Variants in NIPAL2 observed in about 807,000 individuals in gnomAD.
NIPAL2 encodes NIPA like domain containing 2, also known as NIPA-like protein 2.
A neutral mutation model predicts 48.9 loss-of-function variants in NIPAL2; 43 were observed. That is an observed-to-expected ratio of 0.88 (90% CI 0.69 to 1.13). NIPAL2 has a LOEUF of 1.13. NIPAL2 is among the 50% of genes most tolerant of loss of function. NIPAL2 has a pLI of 0.00. For missense variants in NIPAL2, 446 were observed against 461.4 expected (o/e 0.97, Z 0.31); for synonymous variants, 167 against 174.6 (o/e 0.96, Z 0.34).
At chr8:98,207,137 GAGA>G (rs1199521148) in intron 6 of NIPAL2, among the ~76,000 whole-genome samples, 1 of 152,208 alleles carries the variant, frequency 6.6e-6, no homozygotes, top group East Asian at 1.9e-4. Flanking sequence ...ACAATTAATG[GAGA>G]AGGAGTTGAA....
At chr8:98,263,117 G>A (rs372214041) in intron 1 of NIPAL2, among the ~76,000 whole-genome samples, 170 of 143,732 alleles carry the variant, frequency 1.2e-3, no homozygotes, top group African/African-American at 4.1e-3. Flanking sequence ...TCTCTGGGAC[G>A]CATTCAAAGC....
chr8:98,207,932 A>T (rs943967579), intron 6 of NIPAL2, among the ~76,000 whole-genome samples: 1 of 149,538 alleles, frequency 6.7e-6, no homozygotes, highest in Non-Finnish European at 1.5e-5. Flanking sequence ...GGTTGTATCC[A>T]TTTTTTTTTT....
rs922881049 is a variant in NIPAL2, at chr8:98,191,194, T to C, written c.*1784A>G. 6.6e-6 allele frequency: 1 copy of C among 152,232 alleles called. No individual in the cohort carries two copies. Among genetic ancestry groups the C allele is most frequent in the African/African-American group, 2.4e-5 (1 of 41,470 alleles). The allele number at this position is 152,232 out of a possible 1,614,324, so 9.4% of individuals were successfully genotyped here. ...ACTCTAGCTATGAATGCAGGTCTAC[T>C]TGAAGCAAAACTCTTCAATCTAATT... On this transcript the variant is annotated 3_prime_UTR_variant, in exon 11 of 11. Transcript: ENST00000430223.
At chr8:98,243,400 C>T (rs1813101548) in intron 3 of NIPAL2, among the ~76,000 whole-genome samples, 1 of 152,074 alleles carries the variant, frequency 6.6e-6, no homozygotes, top group African/African-American at 2.4e-5. Flanking sequence ...CCTTCCAAAC[C>T]ATGTCTAGAT....
intron 1 of NIPAL2, among the ~76,000 whole-genome samples, chr8:98,268,073 CAT>C (rs1248194407): frequency 3.9e-5 from 6 of 152,142 alleles, no homozygotes; most frequent in South Asian, 2.1e-4. Context: ...GAGTGAATCA[CAT>C]GTTTTTAAAT....
intron 6 of NIPAL2, among the ~76,000 whole-genome samples, chr8:98,208,968 C>G (rs1385343129): frequency 6.6e-6 from 1 of 152,102 alleles, no homozygotes; most frequent in Non-Finnish European, 1.5e-5. Flanking sequence ...TTACAATATT[C>G]AAGATGAGCA....
At chr8:98,258,941 A>G (rs2130844809) in intron 1 of NIPAL2, among the ~76,000 whole-genome samples, 1 of 152,116 alleles carries the variant, frequency 6.6e-6, no homozygotes, top group East Asian at 1.9e-4. Flanking sequence ...CAGTCTGCGT[A>G]TTAAAAAAAA....
chr8:98,288,969 C>A (rs1428663044), intron 1 of NIPAL2, among the ~76,000 whole-genome samples: 2 of 152,180 alleles, frequency 1.3e-5, no homozygotes, highest in Non-Finnish European at 2.9e-5. Flanking sequence ...TTCCTTATAG[C>A]TTTATCACCC....
intron 5 of NIPAL2, among the ~76,000 whole-genome samples, chr8:98,216,871 C>G (rs1170251362): frequency 1.3e-5 from 2 of 152,202 alleles, no homozygotes; most frequent in Non-Finnish European, 2.9e-5. Flanking sequence ...ATAGGTATTA[C>G]TCAACAAAAG....
chr8:98,259,807 G>A (rs1406721260), intron 1 of NIPAL2, among the ~76,000 whole-genome samples: 1 of 152,176 alleles, frequency 6.6e-6, no homozygotes, highest in Non-Finnish European at 1.5e-5. Context: ...AACCCCAGAG[G>A]GGGGCCATCC....
intron 5 of NIPAL2, among the ~76,000 whole-genome samples, chr8:98,219,500 G>A (rs1249534260): frequency 6.6e-6 from 1 of 152,150 alleles, no homozygotes; most frequent in Non-Finnish European, 1.5e-5. Context: ...AGTAAATGCT[G>A]CATAAGGTTC....
chr8:98,212,393 A>G lies in NIPAL2; in HGVS notation c.655+12T>C. The stretch of plus-strand genomic sequence containing the variant: ...CTCAATTAAAGAATAAGAAAACAAA[A>G]TATGCCTTTACCTAGAATTGCCACC... On this transcript the variant is annotated intron_variant, in intron 6 of 10. Transcript: ENST00000430223. 2.0e-6 allele frequency: 3 copies of G among 1,476,768 alleles called. No individual in the cohort carries two copies. Among genetic ancestry groups the G allele is most frequent in the Non-Finnish European group, 2.8e-6 (3 of 1,057,898 alleles). 91.5% of individuals were successfully genotyped at this position (1,476,768 alleles called of 1,614,324 possible). A position where few individuals can be genotyped will look rare whatever the true frequency, so the allele number is the denominator to read the frequency against.
At chr8:98,214,132 A>T (rs1468624230) in intron 5 of NIPAL2, among the ~76,000 whole-genome samples, 1 of 151,694 alleles carries the variant, frequency 6.6e-6, no homozygotes, top group East Asian at 1.9e-4. Flanking sequence ...CTTTAGTGTA[A>T]TTTTGAGTTC....
intron 10 of NIPAL2, among the ~76,000 whole-genome samples, chr8:98,193,913 C>G (rs1810419016): frequency 6.6e-6 from 1 of 152,182 alleles, no homozygotes; most frequent in Non-Finnish European, 1.5e-5. Flanking sequence ...ATTGACTGCT[C>G]CCAGCAGATA....
intron 5 of NIPAL2, among the ~76,000 whole-genome samples, chr8:98,217,481 T>C (rs1438662034): frequency 6.6e-6 from 1 of 152,226 alleles, no homozygotes; most frequent in Non-Finnish European, 1.5e-5. Flanking sequence ...ATGAATGATA[T>C]GTCAAAGAAT....
At chr8:98,257,552 C>T (rs745828288) in intron 1 of NIPAL2, among the ~76,000 whole-genome samples, 2 of 151,988 alleles carry the variant, frequency 1.3e-5, no homozygotes, top group East Asian at 1.9e-4. Flanking sequence ...CCACCACACC[C>T]GGCCTATTTC....
intron 1 of NIPAL2, among the ~76,000 whole-genome samples, chr8:98,268,833 A>C (rs1328346944): frequency 6.6e-6 from 1 of 152,234 alleles, no homozygotes; most frequent in Non-Finnish European, 1.5e-5. Flanking sequence ...ACCTACACTT[A>C]ATAAACATAC....
intron 4 of NIPAL2, among the ~76,000 whole-genome samples, chr8:98,228,658 CCATCTCAGGATG>C (rs1032150862): frequency 2.0e-5 from 3 of 152,094 alleles, no homozygotes. Context: ...CTGGATAGAT[CCATCTCAGGATG>C]CATCTCAGGA....
At chr8:98,286,812 CAAA>C (rs1182876107) in intron 1 of NIPAL2, among the ~76,000 whole-genome samples, 8 of 57,862 alleles carry the variant, frequency 1.4e-4, no homozygotes, top group African/African-American at 3.9e-4. Context: ...GAGACTCTGT[CAAA>C]AAAAAAAAAA....
Sources: gnomAD v4.1 joint callset for allele counts (sites outside exome capture counted in the v4.1 genomes callset) on GRCh38, gnomAD v4.1.1 for gene constraint, MANE v1.5 for transcripts, NCBI Gene and HGNC (gene_info 2026-07-23, HGNC 2026-07-21) for gene names.